The following OR1J2 variants were observed in gnomAD, a reference collection of about 807,000 sequenced individuals.
OR1J2 encodes olfactory receptor 1J2.
For missense variants in OR1J2, 304 were observed against 246.1 expected, an observed-to-expected ratio of 1.24 and a Z score of -1.57; for synonymous variants, 142 against 99.7, an observed-to-expected ratio of 1.42 and a Z score of -2.52.
rs1828635146 is a variant in OR1J2 at position 122,511,462 on chromosome 9, A to C, written c.661A>C (p.Ile221Leu). The C allele has an allele frequency of 2.6e-6, 2 of 780,282 alleles. No individual in the cohort carries two copies. Among genetic ancestry groups the C allele is most frequent in the Admixed American group, 3.4e-5 (2 of 58,992 alleles). The allele number at this position is 780,282 out of a possible 1,614,324, so 48.3% of individuals were successfully genotyped here. A position where few individuals can be genotyped will look rare whatever the true frequency, so the allele number is the denominator to read the frequency against. The change falls in exon 1 of 1, where the codon ATT (isoleucine) becomes CTT (leucine). Residue 221 changes from isoleucine (I) to leucine (L), a missense_variant. Coordinates refer to ENST00000335302, the MANE Select transcript of OR1J2 (RefSeq NM_054107.1). ...FMCILVSYGY[I>L]GATILRVPST... ...GTGTATCCTGGTATCATATGGCTAC[A>C]TTGGGGCCACCATCCTGAGGGTCCC... is the stretch of plus-strand genomic sequence containing the variant.
upstream of OR1J2, among the ~76,000 whole-genome samples, chr9:122,507,555 C>T (rs889748863): frequency 5.3e-5 from 8 of 152,090 alleles, no homozygotes; most frequent in African/African-American, 1.9e-4. Flanking sequence ...TTTGTTTTCC[C>T]TCCCTGGTAA....
At chr9:122,470,706 G>A in the OR1J2 span, among the ~76,000 whole-genome samples, 6 of 152,192 alleles carry the variant, frequency 3.9e-5, no homozygotes, top group South Asian at 2.1e-4. Flanking sequence ...TGAATGCAGC[G>A]GGGAGGGAGG....
chr9:122,464,851 C>A, the OR1J2 span, among the ~76,000 whole-genome samples: 1 of 152,256 alleles, frequency 6.6e-6, no homozygotes, highest in South Asian at 2.1e-4. Context: ...CTTTTTGGGA[C>A]TATATAAGAC....
the OR1J2 span, among the ~76,000 whole-genome samples, chr9:122,528,487 A>G: frequency 0.58 from 88,085 of 151,778 alleles, 27,463 homozygotes; most frequent in East Asian, 0.87. Flanking sequence ...AATCCCAGCT[A>G]CTTGGTAGGC....
the OR1J2 span, chr9:122,477,587 G>C: frequency 6.2e-7 from 1 of 1,614,194 alleles, no homozygotes; most frequent in Non-Finnish European, 8.5e-7. Flanking sequence ...GAAGTGATAA[G>C]GAAACTGTCT....
chr9:122,526,222 A>G, the OR1J2 span: 57 of 469,618 alleles, frequency 1.2e-4, no homozygotes, highest in Non-Finnish European at 2.2e-5. Context: ...CATTTTATAA[A>G]TGAGAAAACC....
At chr9:122,478,726 A>G in the OR1J2 span, among the ~76,000 whole-genome samples, 1 of 152,150 alleles carries the variant, frequency 6.6e-6, no homozygotes. Context: ...AAGCAACAAG[A>G]TAGAAAATCT....
chr9:122,520,227 C>T, the OR1J2 span: 1 of 550,066 alleles, frequency 1.8e-6, no homozygotes, highest in South Asian at 3.8e-5. Context: ...CCCTTTTCCT[C>T]TTTAGTGCAA....
the OR1J2 span, among the ~76,000 whole-genome samples, chr9:122,559,844 T>A: frequency 6.6e-6 from 1 of 152,188 alleles, no homozygotes; most frequent in Non-Finnish European, 1.5e-5. Context: ...GTTTATTAGG[T>A]CTACTTGATC....
chr9:122,458,857 T>C, the OR1J2 span, among the ~76,000 whole-genome samples: 1 of 152,220 alleles, frequency 6.6e-6, no homozygotes, highest in Non-Finnish European at 1.5e-5. Context: ...CTTTTCTCTT[T>C]CTGAACTTCA....
At chr9:122,490,236 A>G in the OR1J2 span, among the ~76,000 whole-genome samples, 2 of 152,186 alleles carry the variant, frequency 1.3e-5, no homozygotes, top group Admixed American at 6.5e-5. Context: ...GTAAGCATCT[A>G]GATTACTGGG....
chr9:122,508,891 A>G (rs1380024658), upstream of OR1J2, among the ~76,000 whole-genome samples: 1 of 152,200 alleles, frequency 6.6e-6, no homozygotes, highest in East Asian at 1.9e-4. Flanking sequence ...AGAGGTTGGC[A>G]TTTCTTCGAG....
the OR1J2 span, among the ~76,000 whole-genome samples, chr9:122,566,442 T>C: frequency 6.6e-6 from 1 of 152,046 alleles, no homozygotes. Context: ...TTCATATTTA[T>C]ATAATGTTTT....
downstream of OR1J2, among the ~76,000 whole-genome samples, chr9:122,513,135 T>G (rs59743544): frequency 0.2 from 30,953 of 152,174 alleles, 3,564 homozygotes; most frequent in East Asian, 0.56. Context: ...AAATAGCATT[T>G]TTGTGGATCC....
chr9:122,516,899 A>C, the OR1J2 span, among the ~76,000 whole-genome samples: 1,422 of 152,266 alleles, frequency 9.3e-3, 21 homozygotes, highest in African/African-American at 0.033. Flanking sequence ...TCACGATCTC[A>C]TGATGAAGTG....
chr9:122,497,203 G>T, the OR1J2 span, among the ~76,000 whole-genome samples: 1 of 152,140 alleles, frequency 6.6e-6, no homozygotes, highest in Non-Finnish European at 1.5e-5. Context: ...TTCCTTCAAA[G>T]GGTCTGTGGA....
chr9:122,556,365 C>T, the OR1J2 span, among the ~76,000 whole-genome samples: 1 of 151,372 alleles, frequency 6.6e-6, no homozygotes, highest in Non-Finnish European at 1.5e-5. Context: ...TGTCTTTCAT[C>T]CTTTGTCAAA....
chr9:122,502,623 A>C, the OR1J2 span, among the ~76,000 whole-genome samples: 1 of 152,134 alleles, frequency 6.6e-6, no homozygotes, highest in African/African-American at 2.4e-5. Context: ...ATGTAGCAGA[A>C]CCTTCTCATG....
At chr9:122,493,397 T>C in the OR1J2 span, among the ~76,000 whole-genome samples, 1 of 152,200 alleles carries the variant, frequency 6.6e-6, no homozygotes, top group Admixed American at 6.5e-5. Context: ...TATTGGTCTA[T>C]TCAGAGACTC....
Sources: allele counts gnomAD v4.1 joint callset (sites outside exome capture counted in the v4.1 genomes callset), GRCh38; gene constraint gnomAD v4.1.1; transcripts MANE v1.5; gene names NCBI Gene and HGNC (gene_info 2026-07-23, HGNC 2026-07-21).